The following GREB1 variants were observed in gnomAD, a reference collection of about 807,000 sequenced individuals.
The protein encoded by GREB1 is protein GREB1.
GREB1 carries 106 observed loss-of-function variants against 200.7 expected under a neutral mutation model. The observed-to-expected ratio is 0.53, with a 90% CI of 0.45 to 0.62. The LOEUF (loss-of-function observed/expected upper bound fraction) is 0.62. Among genes scored for constraint, GREB1 ranks in the 20% least tolerant of loss-of-function variants. GREB1 has a pLI of 0.00. For missense variants in GREB1, 2,243 were observed against 2,556.8 expected (o/e 0.88, Z 2.65); for synonymous variants, 1,132 against 1,092.4 (o/e 1.04, Z -0.72).
intron 17 of GREB1, among the ~76,000 whole-genome samples, chr2:11,607,578 A>T (rs190111171): frequency 1.5e-5 from 1 of 68,666 alleles, no homozygotes; most frequent in African/African-American, 4.8e-5. Context: ...ATATATACAC[A>T]TATATACATA....
At chr2:11,506,767 T>G (rs944727748) in intron 1 of GREB1, among the ~76,000 whole-genome samples, 1 of 152,146 alleles carries the variant, frequency 6.6e-6, no homozygotes, top group Admixed American at 6.5e-5. Context: ...CAGAGCAGCG[T>G]GGAACCCTGA....
intron 16 of GREB1, among the ~76,000 whole-genome samples, chr2:11,601,794 A>C (rs554110018): frequency 1.3e-5 from 2 of 152,362 alleles, no homozygotes; most frequent in Non-Finnish European, 2.9e-5. Context: ...AATGGGGAAC[A>C]TGAGACAAAG....
intron 1 of GREB1, among the ~76,000 whole-genome samples, chr2:11,505,636 G>A (rs1673165390): frequency 6.6e-6 from 1 of 152,192 alleles, no homozygotes; most frequent in South Asian, 2.1e-4. Flanking sequence ...GAGGTCAGGA[G>A]TTTGAGACCA....
At chr2:11,526,704 G>A (rs1047216938) in intron 1 of GREB1, among the ~76,000 whole-genome samples, 4 of 151,700 alleles carry the variant, frequency 2.6e-5, no homozygotes, top group African/African-American at 9.7e-5. Flanking sequence ...TATAGGCACC[G>A]GCCACCACGA....
intron 1 of GREB1, among the ~76,000 whole-genome samples, chr2:11,505,881 C>T (rs775018102): frequency 7.9e-5 from 12 of 151,898 alleles, no homozygotes; most frequent in Non-Finnish European, 1.6e-4. Flanking sequence ...AACTTGTAAA[C>T]GGACTTTGGA....
chr2:11,591,376 C>T, intron 10 of GREB1: 1 of 734,092 alleles, frequency 1.4e-6, no homozygotes, highest in Middle Eastern at 2.3e-4. Flanking sequence ...TAAATGGAAG[C>T]CTGACGCACT....
Position 11,515,904 on chromosome 2 carries a change from CT to C in GREB1, c.-159+33524del, listed in dbSNP as rs528262931. ...TTTGTGCTTAGAGGCCCATGTGGAG[CT>C]CCTTAGGGAGGCAGATTTAGCCAGG... On this transcript the variant is annotated intron_variant, in intron 1 of 2. Coordinates refer to the GREB1 transcript ENST00000628795. 3.6e-3 allele frequency among the ~76,000 whole-genome samples: 541 copies of C among 152,326 alleles called. 5 individuals carry two copies. Among genetic ancestry groups the C allele is most frequent in the African/African-American group, 0.012 (519 of 41,570 alleles).
chr2:11,598,014 A>G, intron 14 of GREB1, 36 bp downstream of exon 14: 1 of 1,517,140 alleles, frequency 6.6e-7, no homozygotes, highest in Non-Finnish European at 9.2e-7. Flanking sequence ...ACGTGTGGAG[A>G]AGCTTTGATC....
chr2:11,629,218 G>A lies in GREB1; in HGVS notation c.4450-730G>A, dbSNP rs924929714. On this transcript the variant is annotated intron_variant, in intron 25 of 32. Transcript: ENST00000381486. The surrounding 1 kb of genome is among the most constrained non-coding windows in gnomAD (Gnocchi z 5.2). ...TAGCACATGCTAGGAGGGGATGTCA[G>A]TAGGAAGGGCCGTGGGTCGGTGGGG... Among the ~76,000 whole-genome samples, 22 of 152,144 alleles carry A rather than the reference G, an allele frequency of 1.4e-4. No individual in the cohort carries two copies. The highest frequency in any genetic ancestry group is 5.1e-4 in the African/African-American group (21 of 41,438).
chr2:11,615,037 A>G (rs1398532984), intron 19 of GREB1, 54 bp from the exon 20 acceptor site: 3 of 1,345,968 alleles, frequency 2.2e-6, no homozygotes, highest in Non-Finnish European at 3.2e-6. Context: ...CAGTGGGAAC[A>G]GCACTCCACT....
intron 23 of GREB1, among the ~76,000 whole-genome samples, chr2:11,621,823 C>G (rs1177309416): frequency 6.6e-6 from 1 of 152,212 alleles, no homozygotes; most frequent in Non-Finnish European, 1.5e-5. Flanking sequence ...GGCCTTCCCT[C>G]CCAGGAAAGG....
chr2:11,586,923 G>A (rs772988805), intron 9 of GREB1, among the ~76,000 whole-genome samples: 11 of 151,938 alleles, frequency 7.2e-5, no homozygotes, highest in Non-Finnish European at 1.0e-4. Flanking sequence ...GTTTTTTTAC[G>A]TGGCCATGGC....
intron 17 of GREB1, among the ~76,000 whole-genome samples, chr2:11,608,158 A>G (rs924547697): frequency 1.3e-5 from 2 of 152,228 alleles, no homozygotes; most frequent in African/African-American, 2.4e-5. Flanking sequence ...AAGGTCACAT[A>G]CAAAGATCAT....
chr2:11,588,393 C>A, intron 9 of GREB1: 1 of 670,392 alleles, frequency 1.5e-6, no homozygotes, highest in Non-Finnish European at 2.1e-6. Context: ...GGAAGGTGCT[C>A]TGCCCACAAG....
intron 2 of GREB1, among the ~76,000 whole-genome samples, chr2:11,562,166 C>T (rs1013220195): frequency 6.6e-6 from 1 of 152,206 alleles, no homozygotes; most frequent in Admixed American, 6.5e-5. Flanking sequence ...TCATGAGGCC[C>T]AGGTCTGTGT....
chr2:11,637,349 C>T (rs1229954477), intron 30 of GREB1, among the ~76,000 whole-genome samples: 2 of 138,962 alleles, frequency 1.4e-5, no homozygotes, highest in African/African-American at 2.6e-5. Context: ...GGAAGAGCCC[C>T]GGGGCTGGGC....
rs760505966 is a variant in GREB1 at position 11,593,083 on chromosome 2, C to T, written c.1653C>T (p.Cys551=). The change falls in exon 11 of 33, where the codon TGC becomes TGT. Residue 551 remains cysteine (C), a synonymous_variant. Coordinates refer to ENST00000381486, the MANE Select transcript of GREB1 (RefSeq NM_014668.4). Reference sequence around the variant, plus strand: ...AGACCAACTACGTGGTCATCATCTGCGCCTGCCGCAGCGCGGCCATCGACT... The same window carrying T: ...AGACCAACTACGTGGTCATCATCTGTGCCTGCCGCAGCGCGGCCATCGACT... ...LAKTNYVVII[C]ACRSAAIDSC... 84 of 1,609,994 alleles carry T rather than the reference C, an allele frequency of 5.2e-5. No homozygotes were observed. The Admixed American group carries it at 1.2e-3, about 23-fold the overall frequency.
upstream of GREB1, among the ~76,000 whole-genome samples, chr2:11,530,026 A>G (rs1009501184): frequency 3.3e-5 from 5 of 152,202 alleles, no homozygotes; most frequent in African/African-American, 1.2e-4. Flanking sequence ...CATTTTAATA[A>G]GACCCCTAGG....
intron 1 of GREB1, among the ~76,000 whole-genome samples, chr2:11,483,188 C>T (rs1182881984): frequency 6.6e-6 from 1 of 151,052 alleles, no homozygotes; most frequent in Non-Finnish European, 1.5e-5. Flanking sequence ...CGTGCGTGTG[C>T]GCGCGGGTAT....
Sources: gnomAD v4.1 joint callset for allele counts (sites outside exome capture counted in the v4.1 genomes callset) on GRCh38, gnomAD v4.1.1 for gene constraint, Gnocchi (gnomAD v3.1) non-coding constraint, MANE v1.5 for transcripts, NCBI Gene and HGNC (gene_info 2026-07-23, HGNC 2026-07-21) for gene names.